Variants in SAMMSON observed in about 807,000 individuals in gnomAD.
SAMMSON encodes long intergenic non-protein coding RNA 1212.
Position 70,257,272 on chromosome 3 carries a change from T to C in SAMMSON, n.674+7602T>C, listed in dbSNP as rs13097487. On this transcript the variant is annotated intron_variant and non_coding_transcript_variant, in intron 6 of 9. Transcript: ENST00000642114. ...TGGCACATCTGGCCATTCAAAAAAG[T>C]TCAAGAATAGACTTCTTTGGTAATT... is the stretch of plus-strand genomic sequence containing the variant. Among the ~76,000 whole-genome samples, 587 of 152,296 alleles carry C rather than the reference T, an allele frequency of 3.9e-3. 2 individuals are homozygous for C. Among genetic ancestry groups the C allele is most frequent in the Non-Finnish European group, 6.4e-3 (436 of 68,028 alleles).
chr3:70,362,695 T>G (rs1702882837), intron 9 of SAMMSON, among the ~76,000 whole-genome samples: 1 of 152,090 alleles, frequency 6.6e-6, no homozygotes, highest in African/African-American at 2.4e-5. Flanking sequence ...TGTATCTTTT[T>G]TTTACATCCC....
intron 4 of SAMMSON, among the ~76,000 whole-genome samples, chr3:70,116,866 G>T (rs1332644895): frequency 6.6e-6 from 1 of 152,160 alleles, no homozygotes; most frequent in Non-Finnish European, 1.5e-5. Flanking sequence ...CTTTTTAGAT[G>T]AGATTCACTA....
intron 7 of SAMMSON, among the ~76,000 whole-genome samples, chr3:70,340,629 T>G (rs573487564): frequency 1.3e-5 from 2 of 152,260 alleles, no homozygotes; most frequent in South Asian, 4.1e-4. Context: ...CAGCTCCCAG[T>G]AAAACCTCTG....
chr3:70,348,618 A>G (rs555407797), intron 7 of SAMMSON, among the ~76,000 whole-genome samples: 8 of 152,152 alleles, frequency 5.3e-5, no homozygotes, highest in Non-Finnish European at 1.2e-4. Context: ...AGGTTTCAAC[A>G]TATGAATTTT....
In SAMMSON at chr3:70,183,733, C is replaced by G. The variant is rs1028419771; in HGVS notation, n.508-65374C>G. 3 of 152,228 alleles carry G rather than the reference C, an allele frequency of 2.0e-5. No homozygotes were observed. In the South Asian group the frequency reaches 6.2e-4, roughly 32 times the overall value. The allele number at this position is 152,228 out of a possible 1,614,324, so 9.4% of individuals were successfully genotyped here. On this transcript the variant is annotated intron_variant and non_coding_transcript_variant, in intron 4 of 9. Transcript: ENST00000642114. ...GTGGCATCATGTGAATGAAGAATCC[C>G]CCAAATCTGTGACCCTCTTCTATCC...
chr3:70,290,937 C>A (rs6766949), intron 6 of SAMMSON, among the ~76,000 whole-genome samples: 31,359 of 152,008 alleles, frequency 0.21, 3,414 homozygotes, highest in South Asian at 0.28. Flanking sequence ...GTGCGCGCAC[C>A]CACTGACCTG....
At chr3:70,312,741 T>G (rs1000644251) in intron 7 of SAMMSON, 2 of 132,400 alleles carry the variant, frequency 1.5e-5, no homozygotes, top group African/African-American at 2.8e-5. Context: ...AGAGTTTTTT[T>G]TGTGTTTTTT....
intron 4 of SAMMSON, among the ~76,000 whole-genome samples, chr3:70,121,659 C>A (rs2067433587): frequency 6.6e-6 from 1 of 151,974 alleles, no homozygotes; most frequent in Non-Finnish European, 1.5e-5. Flanking sequence ...TTAAGCCGGC[C>A]CAAGCAAAAG....
intron 4 of SAMMSON, among the ~76,000 whole-genome samples, chr3:70,157,794 G>A (rs1228005827): frequency 6.6e-6 from 1 of 152,020 alleles, no homozygotes; most frequent in Non-Finnish European, 1.5e-5. Context: ...ATCTTGCAAG[G>A]AAATGCCATT....
intron 6 of SAMMSON, among the ~76,000 whole-genome samples, chr3:70,286,725 T>C (rs543654785): frequency 9.5e-4 from 144 of 152,228 alleles, no homozygotes; most frequent in African/African-American, 3.3e-3. Context: ...TTTATCCTCT[T>C]TTATTTCCTT....
rs534510968 is a variant in SAMMSON at position 70,158,835 on chromosome 3, C to A, written n.507+87270C>A. On this transcript the variant is annotated intron_variant and non_coding_transcript_variant, in intron 4 of 9. Transcript: ENST00000642114. ...AACCTTGCTATTCTAATATAGGGGA[C>A]CAAATTTATACTTTTGTATTAGTGT... 2.0e-5 allele frequency among the ~76,000 whole-genome samples: 3 copies of A among 152,008 alleles called. No homozygotes were observed. In the South Asian group the frequency reaches 6.2e-4, roughly 32 times the overall value.
At chr3:70,133,889 G>A (rs951846762) in intron 4 of SAMMSON, among the ~76,000 whole-genome samples, 5 of 152,094 alleles carry the variant, frequency 3.3e-5, no homozygotes, top group African/African-American at 9.7e-5. Context: ...TCAGACTGAT[G>A]TGAGTTTCCT....
intron 4 of SAMMSON, among the ~76,000 whole-genome samples, chr3:70,089,821 C>T (rs1275063272): frequency 6.6e-6 from 1 of 152,094 alleles, no homozygotes; most frequent in Non-Finnish European, 1.5e-5. Flanking sequence ...AACTTTGACT[C>T]CCATGGGTCA....
rs557554007 is a variant in SAMMSON at position 70,174,641 on chromosome 3, T to C, written n.508-74466T>C. On this transcript the variant is annotated intron_variant and non_coding_transcript_variant, in intron 4 of 9. Transcript: ENST00000642114. ...TCAACTTTTCTCAATAGCATATCTA[T>C]TTTTCTACAGAATTTAGTTTTATTG... is the stretch of plus-strand genomic sequence containing the variant. Among the ~76,000 whole-genome samples, 36 of 152,180 alleles carry C rather than the reference T, an allele frequency of 2.4e-4. 1 individual carries two copies. The highest frequency in any genetic ancestry group is 3.4e-3 in the Middle Eastern group (1 of 294).
intron 4 of SAMMSON, among the ~76,000 whole-genome samples, chr3:70,232,156 T>C (rs1229273610): frequency 6.6e-6 from 1 of 152,176 alleles, no homozygotes; most frequent in Non-Finnish European, 1.5e-5. Context: ...GCCCCAACCG[T>C]ACACTCGACA....
intron 9 of SAMMSON, among the ~76,000 whole-genome samples, chr3:70,360,928 A>C (rs550648195): frequency 1.9e-4 from 29 of 152,174 alleles, no homozygotes; most frequent in Non-Finnish European, 3.7e-4. Context: ...ATGAATAGCT[A>C]TCATGTTTTG....
At chr3:70,382,935 C>T (rs1355167225) in intron 9 of SAMMSON, among the ~76,000 whole-genome samples, 1 of 152,038 alleles carries the variant, frequency 6.6e-6, no homozygotes, top group African/African-American at 2.4e-5. Context: ...AGAGTATTCT[C>T]AGGTTTGGAA....
intron 9 of SAMMSON, among the ~76,000 whole-genome samples, chr3:70,385,028 C>G (rs1004524022): frequency 6.6e-6 from 1 of 151,994 alleles, no homozygotes; most frequent in African/African-American, 2.4e-5. Flanking sequence ...ATCTAGGCAA[C>G]AGGGGAATTA....
At chr3:70,154,185 T>C (rs2067582803) in intron 4 of SAMMSON, among the ~76,000 whole-genome samples, 1 of 151,934 alleles carries the variant, frequency 6.6e-6, no homozygotes, top group Admixed American at 6.6e-5. Flanking sequence ...CATAAACAAA[T>C]CACTGTCCCA....
Sources: gnomAD v4.1 joint callset for allele counts (sites outside exome capture counted in the v4.1 genomes callset) on GRCh38, gnomAD v4.1.1 for gene constraint, MANE v1.5 for transcripts, NCBI Gene and HGNC (gene_info 2026-07-23, HGNC 2026-07-21) for gene names.